The following CAMTA1 variants were observed in gnomAD, a reference collection of about 807,000 sequenced individuals.
The protein encoded by CAMTA1 is calmodulin binding transcription activator 1, also known as calmodulin-binding transcription activator 1.
In CAMTA1, 27 loss-of-function variants were observed where a neutral mutation model predicts 170.9. The observed-to-expected ratio is 0.16, with a 90% confidence interval of 0.12 to 0.22. CAMTA1 has a LOEUF of 0.22. Ranked by LOEUF, CAMTA1 falls within the 10% of genes least tolerant of loss-of-function variation. The pLI, the probability that CAMTA1 is intolerant of heterozygous loss-of-function variation, is 1.00. For missense variants in CAMTA1, 1,619 were observed against 2,217.2 expected (o/e 0.73, Z 5.42); for synonymous variants, 833 against 891.5 (o/e 0.93, Z 1.17).
chr1:7,516,395 G>C (rs1384193369), intron 6 of CAMTA1, among the ~76,000 whole-genome samples: 1 of 152,230 alleles, frequency 6.6e-6, no homozygotes, highest in Non-Finnish European at 1.5e-5. Context: ...GCTGGGAGGA[G>C]GAGGGGCCGT....
At chr1:7,723,187 C>A (rs1291221703) in intron 11 of CAMTA1, among the ~76,000 whole-genome samples, 1 of 152,014 alleles carries the variant, frequency 6.6e-6, no homozygotes, top group African/African-American at 2.4e-5. Context: ...ATGGACAGTT[C>A]TAGGATTGGC....
At chr1:7,430,372 T>C (rs566007317) in intron 5 of CAMTA1, among the ~76,000 whole-genome samples, 1 of 152,124 alleles carries the variant, frequency 6.6e-6, no homozygotes, top group East Asian at 1.9e-4. Context: ...ATGATGGTGA[T>C]GGTGACCATG....
intron 10 of CAMTA1, among the ~76,000 whole-genome samples, chr1:7,675,338 T>A (rs981085996): frequency 1.3e-5 from 2 of 152,226 alleles, no homozygotes; most frequent in African/African-American, 4.8e-5. Flanking sequence ...TCTTTCTGCA[T>A]CATAGGAAGG....
Position 7,443,910 on chromosome 1 carries a change from A to G in CAMTA1, c.439-23920A>G, listed in dbSNP as rs1015905540. ...CTCTCACCCATGCCTCTGCCTGGAC[A>G]CAGGACCAGGAAATGCCATCCCCAG... is the stretch of plus-strand genomic sequence containing the variant. On this transcript the variant is annotated intron_variant, in intron 5 of 22. Coordinates refer to ENST00000303635, the MANE Select transcript of CAMTA1 (RefSeq NM_015215.4). This position sits in a 1 kb window ranked among gnomAD's most constrained non-coding sequence, Gnocchi z 4.1. Among the ~76,000 whole-genome samples the G allele has an allele frequency of 1.3e-5, 2 of 152,166 alleles. No homozygotes were observed. Among genetic ancestry groups the G allele is most frequent in the Non-Finnish European group, 2.9e-5 (2 of 68,026 alleles).
At chr1:7,348,404 G>A (rs373874898) in intron 5 of CAMTA1, among the ~76,000 whole-genome samples, 28 of 152,282 alleles carry the variant, frequency 1.8e-4, no homozygotes, top group East Asian at 7.7e-4. Context: ...ATGACACCCC[G>A]CCAGGCCAAC....
intron 3 of CAMTA1, among the ~76,000 whole-genome samples, chr1:6,966,177 T>C (rs532563513): frequency 3.3e-5 from 5 of 152,354 alleles, no homozygotes; most frequent in African/African-American, 1.2e-4. Context: ...TTTTTAATTT[T>C]TAAAATTACG....
intron 11 of CAMTA1, among the ~76,000 whole-genome samples, chr1:7,729,345 C>T (rs1457022831): frequency 6.6e-6 from 1 of 152,128 alleles, no homozygotes; most frequent in Non-Finnish European, 1.5e-5. Flanking sequence ...GTCTTGAACT[C>T]CTGACCTCAA....
At chr1:6,824,513 G>T (rs1336331472) in intron 2 of CAMTA1, among the ~76,000 whole-genome samples, 1 of 152,048 alleles carries the variant, frequency 6.6e-6, no homozygotes. Flanking sequence ...TAATTAAAAT[G>T]ATGATTTTAT....
intron 3 of CAMTA1, among the ~76,000 whole-genome samples, chr1:6,969,472 A>T (rs1692167760): frequency 6.6e-6 from 1 of 152,150 alleles, no homozygotes; most frequent in African/African-American, 2.4e-5. Flanking sequence ...CCCCCGGATG[A>T]TCACATCTGC....
intron 5 of CAMTA1, among the ~76,000 whole-genome samples, chr1:7,257,972 G>C (rs76838044): frequency 0.01 from 1,534 of 152,244 alleles, 29 homozygotes; most frequent in African/African-American, 0.035. Flanking sequence ...CATTGCTGAG[G>C]AGAAGACACG....
intron 3 of CAMTA1, among the ~76,000 whole-genome samples, chr1:6,998,541 A>C (rs1697685496): frequency 6.6e-6 from 1 of 152,118 alleles, no homozygotes; most frequent in African/African-American, 2.4e-5. Context: ...GCCTGTCCCC[A>C]GGGAGACCTG....
intron 17 of CAMTA1, among the ~76,000 whole-genome samples, chr1:7,745,253 C>T (rs879298743): frequency 5.9e-5 from 9 of 152,108 alleles, no homozygotes; most frequent in South Asian, 2.1e-4. Flanking sequence ...AAGCTGGGCG[C>T]GGTGGCTCAT....
At chr1:7,127,759 G>C (rs1171289163) in intron 4 of CAMTA1, among the ~76,000 whole-genome samples, 2 of 152,184 alleles carry the variant, frequency 1.3e-5, no homozygotes, top group African/African-American at 2.4e-5. Context: ...CAGGCAAGAG[G>C]ACCTAGCCTC....
At position 7,588,071 on chromosome 1, in the gene CAMTA1, G is replaced by A. The variant is rs1358301787; in HGVS notation, c.511-52329G>A. Among the ~76,000 whole-genome samples the A allele has an allele frequency of 6.6e-6, 1 of 152,116 alleles. No homozygotes were observed. Among genetic ancestry groups the A allele is most frequent in the Non-Finnish European group, 1.5e-5 (1 of 68,034 alleles). On this transcript the variant is annotated intron_variant, in intron 6 of 22. Transcript: ENST00000303635. The surrounding 1 kb of genome is among the most constrained non-coding windows in gnomAD (Gnocchi z 5.8). Reference sequence around the variant, plus strand: ...CCTCCACCGTGCAGGTGGGCACTGGGCTGGCCTGGCAGTGGCCCAGGGTGC... The same window carrying A: ...CCTCCACCGTGCAGGTGGGCACTGGACTGGCCTGGCAGTGGCCCAGGGTGC...
intron 3 of CAMTA1, among the ~76,000 whole-genome samples, chr1:6,999,748 G>A (rs1409695552): frequency 6.6e-6 from 1 of 152,134 alleles, no homozygotes; most frequent in Non-Finnish European, 1.5e-5. Context: ...TGCCTTGGAG[G>A]GTCATACAGG....
intron 3 of CAMTA1, among the ~76,000 whole-genome samples, chr1:6,909,270 A>G (rs1679212345): frequency 6.6e-6 from 1 of 152,242 alleles, no homozygotes. Flanking sequence ...ACTACTTAAT[A>G]ATACCTAGTA....
At chr1:7,505,908 C>T (rs1025702890) in intron 6 of CAMTA1, among the ~76,000 whole-genome samples, 1 of 152,142 alleles carries the variant, frequency 6.6e-6, no homozygotes, top group Non-Finnish European at 1.5e-5. Flanking sequence ...CACGACCTCA[C>T]CTGGCCCTCC....
intron 6 of CAMTA1, among the ~76,000 whole-genome samples, chr1:7,533,734 G>A (rs1227995270): frequency 1.3e-5 from 2 of 152,076 alleles, no homozygotes; most frequent in African/African-American, 2.4e-5. Context: ...CCAACATGGT[G>A]AAACCCTGTC....
chr1:6,803,038 C>T (rs919345853), intron 1 of CAMTA1, among the ~76,000 whole-genome samples: 2 of 152,188 alleles, frequency 1.3e-5, no homozygotes, highest in Admixed American at 6.5e-5. Context: ...CGTGAGCCAC[C>T]GTGCCCGGCC....
Sources: allele counts gnomAD v4.1 joint callset (sites outside exome capture counted in the v4.1 genomes callset), GRCh38; gene constraint gnomAD v4.1.1; non-coding constraint Gnocchi (gnomAD v3.1); transcripts MANE v1.5; gene names NCBI Gene and HGNC (gene_info 2026-07-23, HGNC 2026-07-21).